Variants in GRSF1 observed in about 807,000 individuals in gnomAD.
GRSF1 encodes the protein G-rich RNA sequence binding factor 1, also known as G-rich sequence factor 1.
GRSF1 carries 50 observed loss-of-function variants against 51.1 expected under a neutral mutation model. The ratio of observed to expected loss-of-function variants is 0.98; its 90% confidence interval spans 0.78 to 1.24. The LOEUF (loss-of-function observed/expected upper bound fraction) is 1.24, where lower values mean the gene tolerates loss of function less well. GRSF1 is among the 50% of genes most tolerant of loss of function. The pLI, the probability that GRSF1 is intolerant of heterozygous loss-of-function variation, is 0.00. For missense variants in GRSF1, 700 were observed against 639.7 expected (o/e 1.09, Z -1.02); for synonymous variants, 293 against 253.3 (o/e 1.16, Z -1.49).
intron 3 of GRSF1, among the ~76,000 whole-genome samples, 180 bp from the exon 4 acceptor site, chr4:70,832,630 C>T (rs1404665762): frequency 6.6e-6 from 1 of 152,198 alleles, no homozygotes; most frequent in Non-Finnish European, 1.5e-5. Context: ...GCGGGCATAA[C>T]TTCTTTATTT....
intron 6 of GRSF1, among the ~76,000 whole-genome samples, chr4:70,826,657 C>T (rs953428674): frequency 3.9e-4 from 59 of 151,430 alleles, no homozygotes; most frequent in African/African-American, 1.4e-3. Context: ...CTGGGCAACA[C>T]AGCCAGACAC....
At chr4:70,831,136 T>C (rs980631960) in intron 5 of GRSF1, among the ~76,000 whole-genome samples, 2 of 151,910 alleles carry the variant, frequency 1.3e-5, no homozygotes, top group Admixed American at 6.6e-5. Flanking sequence ...GGCGGGCGGA[T>C]CACAAGGTCG....
intron 6 of GRSF1, among the ~76,000 whole-genome samples, chr4:70,827,254 C>T (rs1733773505): frequency 6.6e-6 from 1 of 150,550 alleles, no homozygotes; most frequent in South Asian, 2.1e-4. Flanking sequence ...CGCCACTGCA[C>T]TCCAGCCTGG....
In GRSF1 at chr4:70,839,709, G is replaced by A. The variant is rs1194430876; in HGVS notation, c.119C>T (p.Pro40Leu). ...LPFYSAAGSI[P>L]SGVSGRRRLL... ...GCGGCGGCGGCCCGAGACGCCCGACGGGATAGAGCCAGCGGCGGAGTAGAA... is the reference window on the plus strand; with the variant it reads ...GCGGCGGCGGCCCGAGACGCCCGACAGGATAGAGCCAGCGGCGGAGTAGAA... The change falls in exon 1 of 10, where the codon CCG becomes CTG. Residue 40 changes from proline (P) to leucine (L), a missense_variant. Transcript: ENST00000254799. The A allele has an allele frequency of 6.8e-7, 1 of 1,475,746 alleles. No individual in the cohort carries two copies. Among genetic ancestry groups the A allele is most frequent in the Admixed American group, 2.5e-5 (1 of 40,612 alleles). 91.4% of individuals were successfully genotyped at this position (1,475,746 alleles called of 1,614,324 possible).
rs1356660906 is a variant in GRSF1 at position 70,819,509 on chromosome 4, TAATA to T, written c.*1374_*1377del. 6.6e-6 allele frequency: 1 copy of T among 152,224 alleles called. No homozygotes were observed. Among genetic ancestry groups the T allele is most frequent in the Non-Finnish European group, 1.5e-5 (1 of 68,034 alleles). The allele number at this position is 152,224 out of a possible 1,614,324, so 9.4% of individuals were successfully genotyped here. A position where few individuals can be genotyped will look rare whatever the true frequency, so the allele number is the denominator to read the frequency against. On this transcript the variant is annotated 3_prime_UTR_variant, in exon 10 of 10. Transcript: ENST00000254799. ...TATTCAGTTGACTCACAGACTCCAA[TAATA>T]AATACTCTTAGGTAATCTTCAGCCT...
chr4:70,827,979 A>T lies in GRSF1; in HGVS notation c.1008T>A (p.Tyr336Ter). ...RNEVRTHVGSYKGKKIASFPT... is the reference protein window; with the variant it reads ...RNEVRTHVGS ...GAAAAGATGCGATTTTCTTTCCCTT[A>T]TAAGAACCGACATGTGTTCGAACTT... The change falls in exon 6 of 10, where the codon TAT becomes TAA. Residue 336 changes from tyrosine (Y) to a stop codon, truncating the protein, a stop_gained. Coordinates refer to ENST00000254799, the MANE Select transcript of GRSF1 (RefSeq NM_002092.4). LOFTEE classifies it high-confidence loss of function. The T allele has an allele frequency of 1.2e-6, 2 of 1,612,370 alleles. No individual in the cohort carries two copies. The highest frequency in any genetic ancestry group is 8.5e-7 in the Non-Finnish European group (1 of 1,178,430).
chr4:70,832,995 C>T, intron 3 of GRSF1, 123 bp downstream of exon 3: 1 of 827,296 alleles, frequency 1.2e-6, no homozygotes, highest in Non-Finnish European at 1.9e-6. Flanking sequence ...ATTTTCACAT[C>T]CTATAAAAGA....
chr4:70,827,517 G>A (rs1415907816), intron 6 of GRSF1, among the ~76,000 whole-genome samples: 1 of 152,098 alleles, frequency 6.6e-6, no homozygotes, highest in Non-Finnish European at 1.5e-5. Context: ...GGGTGTGTTG[G>A]CTCACACCTG....
intron 2 of GRSF1, 65 bp downstream of exon 2, chr4:70,836,093 A>C: frequency 1.0e-6 from 1 of 955,952 alleles, no homozygotes; most frequent in Non-Finnish European, 1.5e-6. Flanking sequence ...TAAAACATAC[A>C]TACCTGCTTG....
intron 4 of GRSF1, among the ~76,000 whole-genome samples, chr4:70,831,904 C>G (rs1733987988): frequency 1.1e-5 from 1 of 91,908 alleles, no homozygotes; most frequent in Admixed American, 1.6e-4. Context: ...ACAATTCTCC[C>G]CACCAGTTTT....
chr4:70,840,077 T>TTC, upstream of GRSF1: 1 of 351,864 alleles, frequency 2.8e-6, no homozygotes, highest in Non-Finnish European at 5.1e-6. Flanking sequence ...GCCCATGGTT[T>TTC]GGGCGGGGCT....
At chr4:70,830,691 T>C (rs1733928166) in intron 5 of GRSF1, among the ~76,000 whole-genome samples, 3 of 151,694 alleles carry the variant, frequency 2.0e-5, no homozygotes, top group African/African-American at 7.3e-5. Flanking sequence ...TGGTGGCGCA[T>C]GCCTCTAGTT....
In GRSF1 at chr4:70,818,407, T is replaced by A. The variant is rs989708690; in HGVS notation, c.*2480A>T. 1 of 152,188 alleles carries A rather than the reference T, an allele frequency of 6.6e-6. No homozygotes were observed. Among genetic ancestry groups the A allele is most frequent in the Non-Finnish European group, 1.5e-5 (1 of 68,032 alleles). 9.4% of individuals were successfully genotyped at this position (152,188 alleles called of 1,614,324 possible). ...AAGGCATGTTGATTAATAAGCAGAT[T>A]CATGGCACACAATGTTGCCTTCAAA... On this transcript the variant is annotated 3_prime_UTR_variant, in exon 10 of 10. Transcript: ENST00000254799.
rs1734375120 is a variant in GRSF1 at position 70,839,537 on chromosome 4, G to A, written c.291C>T (p.Leu97=). ...GCGACTGCGGCAGCAGAGAGGCACG[G>A]AGGGCAGAGTAGGACGCGGCGGCCG... ...AAAAAASYSA[L]RASLLPQSLA... The change falls in exon 1 of 10, where the codon CTC becomes CTT. Residue 97 remains leucine (L), a synonymous_variant. Transcript: ENST00000254799. 19 of 1,446,610 alleles carry A rather than the reference G, an allele frequency of 1.3e-5. No homozygotes were observed. In the South Asian group the frequency reaches 2.4e-4, roughly 18 times the overall value. 89.6% of individuals were successfully genotyped at this position (1,446,610 alleles called of 1,614,324 possible).
chr4:70,836,337 G>T lies in GRSF1; in HGVS notation c.358-23C>A, dbSNP rs766268797. On this transcript the variant is annotated intron_variant, in intron 1 of 9. Transcript: ENST00000254799. ...CTCCTTCCAAAGGAAATGAAGAATT[G>T]TAAAAAGAGTTGCATTTACAGGTAA... The T allele has an allele frequency of 3.2e-5, 48 of 1,494,186 alleles. 1 individual carries two copies. In the South Asian group the frequency reaches 6.0e-4, roughly 19 times the overall value. The allele number at this position is 1,494,186 out of a possible 1,614,324, so 92.6% of individuals were successfully genotyped here.
At position 70,839,818 on chromosome 4, in the gene GRSF1, T is replaced by G; in HGVS notation, c.10A>C (p.Thr4Pro). ...AGCAGCGCCCCGAGTACCCAGCGCG[T>G]GCCGGCCATGGACTCCGGAGGCGGC... The part of the protein sequence containing the change: MAG[T>P]RWVLGALLRG... The change falls in exon 1 of 10, where the codon ACG becomes CCG. Residue 4 changes from threonine (T) to proline (P), a missense_variant. Coordinates refer to ENST00000254799, the MANE Select transcript of GRSF1 (RefSeq NM_002092.4). 1 of 1,497,926 alleles carries G rather than the reference T, an allele frequency of 6.7e-7. No individual in the cohort carries two copies. Among genetic ancestry groups the G allele is most frequent in the South Asian group, 1.2e-5 (1 of 81,432 alleles). The allele number at this position is 1,497,926 out of a possible 1,614,324, so 92.8% of individuals were successfully genotyped here. A position where few individuals can be genotyped will look rare whatever the true frequency, so the allele number is the denominator to read the frequency against.
rs772342750 is a variant in GRSF1 at position 70,832,304 on chromosome 4, T to C, written c.814+3A>G. 2.5e-6 allele frequency: 4 copies of C among 1,612,814 alleles called. No homozygotes were observed. The highest frequency in any genetic ancestry group is 3.4e-6 in the Non-Finnish European group (4 of 1,179,080). On this transcript the variant is annotated splice_donor_region_variant and intron_variant, in intron 4 of 9. Coordinates refer to ENST00000254799, the MANE Select transcript of GRSF1 (RefSeq NM_002092.4). ...TCCCAAGCATAATACAACTGCAAAG[T>C]ACCTGCAAAGAAGTCTACAATGTCT...
intron 9 of GRSF1, among the ~76,000 whole-genome samples, chr4:70,823,874 T>A (rs1316758907): frequency 6.6e-6 from 1 of 151,018 alleles, no homozygotes; most frequent in African/African-American, 2.4e-5. Flanking sequence ...CCTAAAAAAA[T>A]TTGAAAAATA....
chr4:70,833,791 T>G (rs1163828393), intron 2 of GRSF1, among the ~76,000 whole-genome samples: 1 of 152,062 alleles, frequency 6.6e-6, no homozygotes, highest in East Asian at 1.9e-4. Flanking sequence ...AGTGCTGGGA[T>G]TACAGGCATC....
Sources: gnomAD v4.1 joint callset for allele counts (sites outside exome capture counted in the v4.1 genomes callset) on GRCh38, gnomAD v4.1.1 for gene constraint, MANE v1.5 for transcripts, NCBI Gene and HGNC (gene_info 2026-07-23, HGNC 2026-07-21) for gene names.